Variants in ME1 observed in about 807,000 individuals in gnomAD.
The protein encoded by ME1 is malic enzyme 1.
ME1 carries 74 observed loss-of-function variants against 66.4 expected under a neutral mutation model. That is an observed-to-expected ratio of 1.11 (90% CI 0.92 to 1.35). The LOEUF (loss-of-function observed/expected upper bound fraction) is 1.35. Among genes scored for constraint, ME1 ranks in the 40% most tolerant of loss-of-function variants. The pLI is 0.00. For synonymous variants in ME1, 251 were observed against 235.6 expected, an observed-to-expected ratio of 1.07 and a Z score of -0.60; for missense variants, 750 against 694.1, an observed-to-expected ratio of 1.08 and a Z score of -0.90.
intron 4 of ME1, among the ~76,000 whole-genome samples, chr6:83,346,844 C>G (rs541452886): frequency 6.6e-6 from 1 of 152,170 alleles, no homozygotes; most frequent in Non-Finnish European, 1.5e-5. Flanking sequence ...CACTTGATAT[C>G]TTTGAAACAT....
chr6:83,414,517 T>C (rs529349654), intron 1 of ME1, among the ~76,000 whole-genome samples: 7 of 152,262 alleles, frequency 4.6e-5, no homozygotes, highest in Non-Finnish European at 1.5e-5. Context: ...AATATCACTT[T>C]ATAGTACCCC....
intron 3 of ME1, among the ~76,000 whole-genome samples, chr6:83,375,176 T>C (rs1256175037): frequency 6.6e-6 from 1 of 152,214 alleles, no homozygotes; most frequent in East Asian, 1.9e-4. Context: ...ATCTATAAAT[T>C]ACTTTGGGCA....
chr6:83,405,747 A>G (rs1382596550), intron 2 of ME1, among the ~76,000 whole-genome samples: 2 of 125,472 alleles, frequency 1.6e-5, no homozygotes, highest in East Asian at 4.5e-4. Flanking sequence ...TTTGAGACGG[A>G]GTCTCGCTCT....
chr6:83,369,594 C>G (rs1288566738), intron 3 of ME1, among the ~76,000 whole-genome samples: 1 of 151,246 alleles, frequency 6.6e-6, no homozygotes, highest in Admixed American at 6.6e-5. Flanking sequence ...CCACTGCACT[C>G]CAGCCTGGGC....
chr6:83,243,372 AAT>A (rs1491313791), intron 7 of ME1, among the ~76,000 whole-genome samples: 1 of 133,960 alleles, frequency 7.5e-6, no homozygotes, highest in Non-Finnish European at 1.5e-5. Context: ...TATATTATAT[AAT>A]AGATTATATT....
rs540890086 is a variant in ME1, at chr6:83,355,037, T to G, written c.363-2898A>C. Among the ~76,000 whole-genome samples the G allele has an allele frequency of 3.2e-3, 486 of 152,332 alleles. 5 individuals carry two copies. The highest frequency in any genetic ancestry group is 0.014 in the Middle Eastern group (4 of 294). ...GCTGACACTACATTATATCCTTTCA[T>G]GGTTTTCTTGCTGTTTCATATGAAT... On this transcript the variant is annotated intron_variant, in intron 3 of 13. Coordinates refer to ENST00000369705, the MANE Select transcript of ME1 (RefSeq NM_002395.6).
At chr6:83,396,832 G>T (rs12529429) in intron 3 of ME1, among the ~76,000 whole-genome samples, 3,648 of 152,094 alleles carry the variant, frequency 0.024, 154 homozygotes, top group East Asian at 0.16. Context: ...AGACAGCCCA[G>T]AAATAAATCC....
chr6:83,369,699 G>A (rs1769161358), intron 3 of ME1, among the ~76,000 whole-genome samples: 1 of 119,210 alleles, frequency 8.4e-6, no homozygotes, highest in Non-Finnish European at 2.0e-5. Flanking sequence ...AAGGAAGGAA[G>A]GAAGGAAGGA....
intron 6 of ME1, among the ~76,000 whole-genome samples, chr6:83,281,704 G>C (rs1767291185): frequency 1.3e-5 from 2 of 149,322 alleles, no homozygotes; most frequent in African/African-American, 4.9e-5. Context: ...TACTCGGGAG[G>C]CTGAGGCATG....
chr6:83,385,713 G>A (rs1306994040), intron 3 of ME1, among the ~76,000 whole-genome samples: 1 of 151,758 alleles, frequency 6.6e-6, no homozygotes, highest in Non-Finnish European at 1.5e-5. Context: ...TCCTCATTAA[G>A]GCAATGCTTA....
chr6:83,296,148 T>C (rs1143796), intron 6 of ME1, among the ~76,000 whole-genome samples: 53,518 of 151,856 alleles, frequency 0.35, 9,650 homozygotes, highest in Middle Eastern at 0.49. Context: ...AGGAGAGTCT[T>C]CTCCTCATTC....
At chr6:83,356,493 G>T (rs1322840993) in intron 3 of ME1, among the ~76,000 whole-genome samples, 1 of 152,106 alleles carries the variant, frequency 6.6e-6, no homozygotes, top group Non-Finnish European at 1.5e-5. Flanking sequence ...GCCTAGAGTT[G>T]CAAGAAATAG....
chr6:83,376,804 C>CCAAAAAAAAAAAAAAAAAAAAAAA (rs768668584), intron 3 of ME1, among the ~76,000 whole-genome samples: 11 of 87,132 alleles, frequency 1.3e-4, no homozygotes, highest in African/African-American at 3.9e-4. Context: ...CCCTGTCTCA[C>CCAAAAAAAAAAAAAAAAAAAAAAA]AAAAAAAAAA....
intron 6 of ME1, among the ~76,000 whole-genome samples, chr6:83,264,684 A>G (rs1255666808): frequency 1.3e-5 from 2 of 152,178 alleles, no homozygotes; most frequent in African/African-American, 4.8e-5. Flanking sequence ...GGTGGAAATA[A>G]CAAGTAGAAC....
intron 6 of ME1, among the ~76,000 whole-genome samples, chr6:83,307,196 T>G (rs1030659114): frequency 1.3e-5 from 2 of 152,058 alleles, no homozygotes; most frequent in Non-Finnish European, 2.9e-5. Context: ...GATTTCTAAT[T>G]CTTTCATGAC....
chr6:83,232,586 G>A (rs1790326268), intron 9 of ME1, among the ~76,000 whole-genome samples: 1 of 152,100 alleles, frequency 6.6e-6, no homozygotes, highest in African/African-American at 2.4e-5. Flanking sequence ...AAATAAAAAA[G>A]AGGGAGAAAA....
At chr6:83,303,846 TAAC>T (rs1767775025) in intron 6 of ME1, among the ~76,000 whole-genome samples, 2 of 152,130 alleles carry the variant, frequency 1.3e-5, no homozygotes, top group Admixed American at 6.5e-5. Flanking sequence ...CAAATAATAT[TAAC>T]AACAGAAACA....
intron 3 of ME1, among the ~76,000 whole-genome samples, chr6:83,371,149 A>G (rs899401978): frequency 3.9e-5 from 6 of 152,136 alleles, no homozygotes; most frequent in African/African-American, 1.4e-4. Flanking sequence ...TTTCATTTAT[A>G]ATTTATTCTA....
At chr6:83,271,792 T>C (rs1011349231) in intron 6 of ME1, among the ~76,000 whole-genome samples, 4 of 152,154 alleles carry the variant, frequency 2.6e-5, no homozygotes, top group African/African-American at 9.7e-5. Context: ...AGTTATAACT[T>C]CAAGTAAAAA....
Sources: gnomAD v4.1 joint callset for allele counts (sites outside exome capture counted in the v4.1 genomes callset) on GRCh38, gnomAD v4.1.1 for gene constraint, MANE v1.5 for transcripts, NCBI Gene and HGNC (gene_info 2026-07-23, HGNC 2026-07-21) for gene names.